WRAP73: variants seen among roughly 807,000 people sequenced by gnomAD.
WRAP73 encodes the protein WD repeat-containing protein WRAP73.
A neutral mutation model predicts 59.6 loss-of-function variants in WRAP73; 55 were observed. The observed-to-expected ratio is 0.92, with a 90% confidence interval of 0.74 to 1.15. WRAP73 has a LOEUF of 1.15. Among genes scored for constraint, WRAP73 ranks in the 50% most tolerant of loss-of-function variants. WRAP73 has a pLI of 0.00. For synonymous variants in WRAP73, 265 were observed against 258.2 expected (o/e 1.03, Z -0.25); for missense variants, 592 against 608.1 (o/e 0.97, Z 0.28).
At position 3,646,651 on chromosome 1, in the gene WRAP73, G is replaced by A. The variant is rs1263577990; in HGVS notation, c.339+15C>T. ...GATCACATGGCCAGTAAGGTGTCTTGGGGCTGACACTTACATGGAATTCCG... is the reference window on the plus strand; with the variant it reads ...GATCACATGGCCAGTAAGGTGTCTTAGGGCTGACACTTACATGGAATTCCG... On this transcript the variant is annotated intron_variant, in intron 3 of 11. Coordinates refer to ENST00000270708, the MANE Select transcript of WRAP73 (RefSeq NM_017818.4). The surrounding 1 kb of genome is among the most constrained non-coding windows in gnomAD (Gnocchi z 5.1). The A allele has an allele frequency of 6.3e-7, 1 of 1,584,714 alleles. No homozygotes were observed. Among genetic ancestry groups the A allele is most frequent in the Admixed American group, 1.8e-5 (1 of 56,772 alleles).
intron 11 of WRAP73, 37 bp downstream of exon 11, chr1:3,631,429 A>C: frequency 6.4e-7 from 1 of 1,554,740 alleles, no homozygotes; most frequent in Non-Finnish European, 8.7e-7. Context: ...TGCACACAGC[A>C]AGGCTGCCAC....
intron 3 of WRAP73, among the ~76,000 whole-genome samples, chr1:3,643,537 C>T (rs547666822): frequency 6.6e-6 from 1 of 151,992 alleles, no homozygotes; most frequent in Non-Finnish European, 1.5e-5. Flanking sequence ...CGTGGGGTGG[C>T]GCCTTCGCAA....
intron 3 of WRAP73, among the ~76,000 whole-genome samples, chr1:3,644,664 A>C (rs1644673324): frequency 6.6e-6 from 1 of 152,242 alleles, no homozygotes; most frequent in African/African-American, 2.4e-5. Flanking sequence ...CTCTAAGGCC[A>C]CCAGCAAAGT....
chr1:3,633,463 A>G lies in WRAP73; in HGVS notation c.857T>C (p.Leu286Pro). ...KEAEKSPQLG[L>P]GCLSFPPPRA... ...GGGCGGCGGGAAGGAGAGGCAGCCC[A>G]GTCCCAGCTGTGGGCTCTTCTCGGC... Residue 286 changes from leucine (L) to proline (P), a missense_variant, in exon 9 of 12, where the codon CTG (leucine) becomes CCG (proline). Physicochemically the swap from Leu to Pro is moderately conservative, Grantham distance 98. Transcript: ENST00000270708. 1 of 1,611,094 alleles carries G rather than the reference A, an allele frequency of 6.2e-7. No individual in the cohort carries two copies. Among genetic ancestry groups the G allele is most frequent in the Middle Eastern group, 1.7e-4 (1 of 6,038 alleles).
In WRAP73 at chr1:3,631,178, G is replaced by A. The variant is rs563418429; in HGVS notation, c.1241-61C>T. The A allele has an allele frequency of 1.2e-5, 19 of 1,604,348 alleles. No individual in the cohort carries two copies. In the South Asian group the frequency reaches 1.9e-4, roughly 16 times the overall value. Reference sequence around the variant, plus strand: ...GGGAGGCCCAGATTCTGGGGGATGGGCACCCCCTTGTCCTGCAGGCCAGCA... The same window carrying A: ...GGGAGGCCCAGATTCTGGGGGATGGACACCCCCTTGTCCTGCAGGCCAGCA... On this transcript the variant is annotated intron_variant, in intron 11 of 11. Transcript: ENST00000270708.
Position 3,646,487 on chromosome 1 carries a change from AAC to A in WRAP73, c.339+177_339+178del, listed in dbSNP as rs1644691944. On this transcript the variant is annotated intron_variant, in intron 3 of 11. Transcript: ENST00000270708. This position sits in a 1 kb window ranked among gnomAD's most constrained non-coding sequence, Gnocchi z 5.1. Reference sequence around the variant, plus strand: ...ATCACAGGTATGCTGTATAGGAAAAAACACAGGAAATACAGGGTTTGGTACAA... The same window carrying A: ...ATCACAGGTATGCTGTATAGGAAAAAACAGGAAATACAGGGTTTGGTACAA... Among the ~76,000 whole-genome samples, 2 of 152,166 alleles carry A rather than the reference AAC, an allele frequency of 1.3e-5. No homozygotes were observed. Among genetic ancestry groups the A allele is most frequent in the African/African-American group, 4.8e-5 (2 of 41,416 alleles).
chr1:3,647,689 C>T, intron 1 of WRAP73, 129 bp from the exon 2 acceptor site: 1 of 927,370 alleles, frequency 1.1e-6, no homozygotes, highest in African/African-American at 1.7e-5. Context: ...GTCTAGATCA[C>T]CAGTGACATC....
At chr1:3,637,237 C>T (rs2101960064) in intron 4 of WRAP73, 139 bp from the exon 5 acceptor site, 1 of 699,988 alleles carries the variant, frequency 1.4e-6, no homozygotes, top group East Asian at 2.8e-5. Flanking sequence ...CCGAGCACTG[C>T]TCCTCAGACA....
At chr1:3,645,259 A>T (rs1286287786) in intron 3 of WRAP73, among the ~76,000 whole-genome samples, 1 of 152,166 alleles carries the variant, frequency 6.6e-6, no homozygotes, top group African/African-American at 2.4e-5. Context: ...CTGCAGCCAC[A>T]CGCTGGGAGA....
At position 3,636,000 on chromosome 1, in the gene WRAP73, C is replaced by T; in HGVS notation, c.547G>A (p.Gly183Arg). The T allele has an allele frequency of 6.2e-7, 1 of 1,614,036 alleles. No homozygotes were observed. The highest frequency in any genetic ancestry group is 8.5e-7 in the Non-Finnish European group (1 of 1,180,022). ...CAGCCGTTTGGGGCCCACTCAATCC[C>T]TGTGAGATCCTGGGTGTCCGTATCA... ...HFDTDTQDLTGIEWAPNGCVL... is the reference protein window; with the variant it reads ...HFDTDTQDLTRIEWAPNGCVL... Residue 183 changes from glycine to arginine, a missense_variant, in exon 6 of 12, where the codon GGG becomes AGG. Transcript: ENST00000270708.
chr1:3,648,273 C>T (rs535210955), intron 1 of WRAP73, among the ~76,000 whole-genome samples: 12 of 152,218 alleles, frequency 7.9e-5, no homozygotes, highest in Non-Finnish European at 1.8e-4. Context: ...CCTGAGTACT[C>T]ACCTGCTGAA....
chr1:3,636,134 GA>G (rs1644587470), intron 5 of WRAP73, 104 bp from the exon 6 acceptor site: 12 of 841,336 alleles, frequency 1.4e-5, no homozygotes, highest in Non-Finnish European at 1.9e-5. Flanking sequence ...TCCTTATATA[GA>G]AATTGACAAA....
At position 3,646,570 on chromosome 1, in the gene WRAP73, A is replaced by G. The variant is rs1557464479; in HGVS notation, c.339+96T>C. On this transcript the variant is annotated intron_variant, in intron 3 of 11. Transcript: ENST00000270708. This position sits in a 1 kb window ranked among gnomAD's most constrained non-coding sequence, Gnocchi z 5.1. ...CCCCTGAGGATAAGGGGAGACTAGCATACTCCAAACACACCCCCTCTCGCA... is the reference window on the plus strand; with the variant it reads ...CCCCTGAGGATAAGGGGAGACTAGCGTACTCCAAACACACCCCCTCTCGCA... The G allele has an allele frequency of 2.1e-6, 2 of 956,254 alleles. No homozygotes were observed. The highest frequency in any genetic ancestry group is 5.0e-5 in the East Asian group (2 of 39,776). The allele number at this position is 956,254 out of a possible 1,614,324, so 59.2% of individuals were successfully genotyped here.
chr1:3,647,499 A>G lies in WRAP73; in HGVS notation c.131T>C (p.Leu44Pro), dbSNP rs748389849. ...RDVNTLQILQ[L>P]YTCLDQIQHI... ...CTGGATCTGGTCTAGGCACGTGTAC[A>G]GCTGAAGGATCTGAAGGGTGTTCAC... Residue 44 changes from leucine (L) to proline (P), a missense_variant, in exon 2 of 12, where the codon CTG becomes CCG. Leu to Pro is a moderately conservative substitution (Grantham distance 98). Transcript: ENST00000270708. The G allele has an allele frequency of 8.7e-6, 14 of 1,614,018 alleles. No individual in the cohort carries two copies. Among genetic ancestry groups the G allele is most frequent in the Non-Finnish European group, 1.1e-5 (13 of 1,179,952 alleles).
At chr1:3,632,070 T>C (rs1325491782) in intron 10 of WRAP73, 143 bp downstream of exon 10, 3 of 1,496,466 alleles carry the variant, frequency 2.0e-6, no homozygotes, top group African/African-American at 2.8e-5. Context: ...GGAGCTTCTG[T>C]GAGCACCTCG....
At chr1:3,632,420 C>T (rs528445485) in intron 9 of WRAP73, 82 bp from the exon 10 acceptor site, 116 of 1,604,552 alleles carry the variant, frequency 7.2e-5, no homozygotes, top group African/African-American at 2.9e-4. Flanking sequence ...GTGCCTGCAT[C>T]GGGCATCGCG....
chr1:3,633,483 C>T lies in WRAP73; in HGVS notation c.837G>A (p.Glu279=), dbSNP rs1482353838. The T allele has an allele frequency of 6.2e-7, 1 of 1,607,744 alleles. No homozygotes were observed. The highest frequency in any genetic ancestry group is 8.5e-7 in the Non-Finnish European group (1 of 1,178,452). The change falls in exon 9 of 12, where the codon GAG becomes GAA. Residue 279 remains glutamate (E), a synonymous_variant. Transcript: ENST00000270708. ...AGCCCAGTCCCAGCTGTGGGCTCTT[C>T]TCGGCCTCCTTATACACCACCTGAA... The part of the protein sequence containing the change: ...DPKIVVYKEA[E]KSPQLGLGCL...
intron 4 of WRAP73, 83 bp from the exon 5 acceptor site, chr1:3,637,181 A>C: frequency 8.3e-7 from 1 of 1,201,836 alleles, no homozygotes; most frequent in South Asian, 1.3e-5. Flanking sequence ...ACAAGGAAGG[A>C]GGAGGAAAAG....
At chr1:3,641,862 T>C (rs538439327) in intron 3 of WRAP73, among the ~76,000 whole-genome samples, 1 of 152,248 alleles carries the variant, frequency 6.6e-6, no homozygotes, top group South Asian at 2.1e-4. Flanking sequence ...GGTAAAAGGA[T>C]AGAAAAAGAC....
Sources: allele counts gnomAD v4.1 joint callset (sites outside exome capture counted in the v4.1 genomes callset), GRCh38; gene constraint gnomAD v4.1.1; non-coding constraint Gnocchi (gnomAD v3.1); transcripts MANE v1.5; gene names NCBI Gene and HGNC (gene_info 2026-07-23, HGNC 2026-07-21).